The following CALR3 variants were observed in gnomAD, a reference collection of about 807,000 sequenced individuals.
The protein encoded by CALR3 is calreticulin 3.
CALR3 carries 39 observed loss-of-function variants against 48.7 expected under a neutral mutation model. The observed-to-expected ratio is 0.80, with a 90% confidence interval of 0.62 to 1.05. The LOEUF is 1.05. CALR3 is among the 50% of genes least tolerant of loss of function. The pLI is 0.00. For missense variants in CALR3, 449 were observed against 474.7 expected (o/e 0.95, Z 0.50); for synonymous variants, 185 against 172.7 (o/e 1.07, Z -0.56).
At chr19:16,487,100 G>A (rs942689714) in intron 3 of CALR3, among the ~76,000 whole-genome samples, 1 of 152,038 alleles carries the variant, frequency 6.6e-6, no homozygotes, top group South Asian at 2.1e-4. Flanking sequence ...CAAACTCCTC[G>A]GCTCGGGGGA....
intron 8 of CALR3, among the ~76,000 whole-genome samples, chr19:16,479,602 A>G (rs1253895200): frequency 6.6e-6 from 1 of 150,604 alleles, no homozygotes; most frequent in East Asian, 1.9e-4. Context: ...AAAAAAAAAA[A>G]GCAAAAATTA....
At chr19:16,481,541 C>T (rs566578538) in intron 7 of CALR3, among the ~76,000 whole-genome samples, 18 of 144,916 alleles carry the variant, frequency 1.2e-4, no homozygotes, top group Admixed American at 4.4e-4. Flanking sequence ...TGCCGTGGCG[C>T]GATCTTGGCT....
Position 16,496,130 on chromosome 19 carries a change from G to T in CALR3, c.-1C>A, listed in dbSNP as rs745990968. On this transcript the variant is annotated 5_prime_UTR_variant, in exon 1 of 9. Transcript: ENST00000269881. ...AGAGCTGGACCAAAGCCCGGGCCAT[G>T]GGGGTGTGCACTGCGCTTCCGGTCG... 3 of 1,598,392 alleles carry T rather than the reference G, an allele frequency of 1.9e-6. No homozygotes were observed. In the Admixed American group the frequency reaches 5.2e-5, roughly 27 times the overall value.
rs1370414096 is a variant in CALR3, at chr19:16,490,478, T to G, written c.286A>C (p.Thr96Pro). The part of the protein sequence containing the change: ...NKGKTLVIQY[T>P]VKHEQKMDCG... Reference sequence around the variant, plus strand: ...TCCATCTTCTGCTCATGTTTTACTGTGTACTGAATAACCAGAGTTTTCCCT... The same window carrying G: ...TCCATCTTCTGCTCATGTTTTACTGGGTACTGAATAACCAGAGTTTTCCCT... Residue 96 changes from threonine to proline, a missense_variant, in exon 3 of 9, where the codon ACA (threonine) becomes CCA (proline). Coordinates refer to ENST00000269881, the MANE Select transcript of CALR3 (RefSeq NM_145046.5). The G allele has an allele frequency of 6.2e-7, 1 of 1,614,182 alleles. No homozygotes were observed. The highest frequency in any genetic ancestry group is 1.1e-5 in the South Asian group (1 of 91,086).
In CALR3 at chr19:16,483,932, G is replaced by C. The variant is rs1466430342; in HGVS notation, c.676C>G (p.Gln226Glu). The C allele has an allele frequency of 4.3e-6, 7 of 1,613,814 alleles. No individual in the cohort carries two copies. The highest frequency in any genetic ancestry group is 5.1e-6 in the Non-Finnish European group (6 of 1,179,906). Reference sequence around the variant, plus strand: ...AGTTGCCCAGGAAAAATTCACACCTGGGCTTTGTTGTCTTTAGTCTGTTCC... The same window carrying C: ...AGTTGCCCAGGAAAAATTCACACCTCGGCTTTGTTGTCTTTAGTCTGTTCC... ...DWEQTKDNKA[Q>E]DWEKHFLDAS... The change falls in exon 5 of 9, where the codon CAG becomes GAG. Residue 226 changes from glutamine to glutamate, a missense_variant and splice_region_variant. Coordinates refer to ENST00000269881, the MANE Select transcript of CALR3 (RefSeq NM_145046.5).
At position 16,490,519 on chromosome 19, in the gene CALR3, T is replaced by G. The variant is rs142951029; in HGVS notation, c.245A>C (p.Lys82Thr). ...AGTTTTCCCTTTATTGCTGAACGGTTTGAAGCGTGCAGAGATGGCATAGAA... is the reference window on the plus strand; with the variant it reads ...AGTTTTCCCTTTATTGCTGAACGGTGTGAAGCGTGCAGAGATGGCATAGAA... ...GRFYAISARF[K>T]PFSNKGKTLV... is the part of the protein sequence containing the mutation. The change falls in exon 3 of 9, where the codon AAA becomes ACA. Residue 82 changes from lysine to threonine, a missense_variant. By Grantham distance (78) the Lys-to-Thr change is moderately conservative. Coordinates refer to ENST00000269881, the MANE Select transcript of CALR3 (RefSeq NM_145046.5). 2.5e-6 allele frequency: 4 copies of G among 1,614,052 alleles called. No individual in the cohort carries two copies. Among genetic ancestry groups the G allele is most frequent in the Non-Finnish European group, 3.4e-6 (4 of 1,180,038 alleles).
At chr19:16,482,864 T>C (rs182305120) in intron 5 of CALR3, 79 bp from the exon 6 acceptor site, 10 of 1,373,290 alleles carry the variant, frequency 7.3e-6, no homozygotes, top group Non-Finnish European at 9.1e-6. Flanking sequence ...TTTTGTTTCT[T>C]GAGACTAGGT....
Position 16,482,439 on chromosome 19 carries a change from A to T in CALR3, c.918+11T>A, listed in dbSNP as rs751800800. On this transcript the variant is annotated intron_variant, in intron 7 of 8. Transcript: ENST00000269881. ...CGCAAAAAATCTAAAGTAAAGTTAA[A>T]ACCAAATGACCTGCCAAAGCTCCAG... The T allele has an allele frequency of 1.9e-6, 3 of 1,614,178 alleles. No individual in the cohort carries two copies. The highest frequency in any genetic ancestry group is 2.5e-6 in the Non-Finnish European group (3 of 1,180,016).
intron 2 of CALR3, among the ~76,000 whole-genome samples, chr19:16,492,809 C>T (rs2093400090): frequency 6.6e-6 from 1 of 151,022 alleles, no homozygotes; most frequent in South Asian, 2.1e-4. Flanking sequence ...TTGCAGTGAG[C>T]CGAGATCGCG....
chr19:16,485,940 G>A (rs2093388403), intron 3 of CALR3, among the ~76,000 whole-genome samples: 1 of 152,116 alleles, frequency 6.6e-6, no homozygotes, highest in Non-Finnish European at 1.5e-5. Flanking sequence ...TTATAGGTGT[G>A]AGCCACTGCA....
intron 2 of CALR3, among the ~76,000 whole-genome samples, chr19:16,492,316 C>T (rs1033656805): frequency 3.3e-5 from 5 of 152,014 alleles, no homozygotes; most frequent in South Asian, 2.1e-4. Context: ...ATTAGCCGAG[C>T]GTAGTGGCGC....
At chr19:16,480,881 C>T (rs752021034) in intron 7 of CALR3, among the ~76,000 whole-genome samples, 175 bp from the exon 8 acceptor site, 19 of 151,992 alleles carry the variant, frequency 1.3e-4, no homozygotes, top group Non-Finnish European at 2.2e-4. Flanking sequence ...CTTGGCCAGG[C>T]GTGGTGGTTC....
At chr19:16,495,535 G>A (rs2122152994) in intron 2 of CALR3, among the ~76,000 whole-genome samples, 1 of 139,202 alleles carries the variant, frequency 7.2e-6, no homozygotes, top group South Asian at 2.3e-4. Context: ...CTCCAGCCTG[G>A]GCAACAGAGC....
intron 3 of CALR3, among the ~76,000 whole-genome samples, 158 bp from the exon 4 acceptor site, chr19:16,485,415 G>A (rs1239530194): frequency 6.6e-6 from 1 of 151,722 alleles, no homozygotes; most frequent in Non-Finnish European, 1.5e-5. Context: ...TGCCTCTTGG[G>A]TTCAAGCAAT....
At position 16,482,438 on chromosome 19, in the gene CALR3, A is replaced by C. The variant is rs1194287706; in HGVS notation, c.918+12T>G. The C allele has an allele frequency of 6.2e-7, 1 of 1,614,176 alleles. No individual in the cohort carries two copies. Among genetic ancestry groups the C allele is most frequent in the Non-Finnish European group, 8.5e-7 (1 of 1,180,030 alleles). On this transcript the variant is annotated intron_variant, in intron 7 of 8. Coordinates refer to ENST00000269881, the MANE Select transcript of CALR3 (RefSeq NM_145046.5). ...ACGCAAAAAATCTAAAGTAAAGTTA[A>C]AACCAAATGACCTGCCAAAGCTCCA...
intron 3 of CALR3, 48 bp downstream of exon 3, chr19:16,490,319 G>A: frequency 1.3e-6 from 2 of 1,538,942 alleles, no homozygotes; most frequent in East Asian, 2.2e-5. Context: ...GAAGTGGGAG[G>A]GTTTTCAAAG....
At chr19:16,487,252 G>A (rs1263896753) in intron 3 of CALR3, among the ~76,000 whole-genome samples, 1 of 152,086 alleles carries the variant, frequency 6.6e-6, no homozygotes, top group Non-Finnish European at 1.5e-5. Flanking sequence ...GCCAAAGTGG[G>A]TGGATCACCT....
At chr19:16,489,831 A>T (rs1280510552) in intron 3 of CALR3, among the ~76,000 whole-genome samples, 10 of 139,696 alleles carry the variant, frequency 7.2e-5, no homozygotes, top group Non-Finnish European at 1.2e-4. Context: ...CAAAAACAAA[A>T]ACAAAAACAA....
At chr19:16,494,508 T>C (rs1217616270) in intron 2 of CALR3, among the ~76,000 whole-genome samples, 1 of 152,046 alleles carries the variant, frequency 6.6e-6, no homozygotes, top group East Asian at 1.9e-4. Flanking sequence ...ACTACAGGCA[T>C]GAGCCACCAC....
Sources: gnomAD v4.1 joint callset for allele counts (sites outside exome capture counted in the v4.1 genomes callset) on GRCh38, gnomAD v4.1.1 for gene constraint, MANE v1.5 for transcripts, NCBI Gene and HGNC (gene_info 2026-07-23, HGNC 2026-07-21) for gene names.